HTR1F: variants seen among roughly 807,000 people sequenced by gnomAD.
The protein encoded by HTR1F is 5-hydroxytryptamine receptor 1F.
HTR1F carries 17 observed loss-of-function variants against 24.0 expected under a neutral mutation model. The ratio of observed to expected loss-of-function variants is 0.71; its 90% confidence interval spans 0.48 to 1.06. The LOEUF is 1.06. Ranked by LOEUF, HTR1F falls within the 50% of genes least tolerant of loss-of-function variation. The pLI, the probability that HTR1F is intolerant of heterozygous loss-of-function variation, is 0.00. For missense variants in HTR1F, 391 were observed against 427.8 expected (o/e 0.91, Z 0.76); for synonymous variants, 186 against 156.8 (o/e 1.19, Z -1.39).
chr3:87,940,738 AG>A (rs938236060), intron 2 of HTR1F, among the ~76,000 whole-genome samples: 1 of 152,236 alleles, frequency 6.6e-6, no homozygotes, highest in Non-Finnish European at 1.5e-5. Context: ...ACAAGGCTGC[AG>A]TAACCAAAAC....
chr3:87,893,438 T>C (rs1040573868), intron 2 of HTR1F, among the ~76,000 whole-genome samples: 1 of 152,196 alleles, frequency 6.6e-6, no homozygotes, highest in African/African-American at 2.4e-5. Context: ...AGAATCCTAA[T>C]ACATCCTTAG....
At chr3:87,962,340 C>A (rs183855876) in intron 2 of HTR1F, among the ~76,000 whole-genome samples, 1 of 152,096 alleles carries the variant, frequency 6.6e-6, no homozygotes, top group East Asian at 1.9e-4. Flanking sequence ...AAAATAGGTA[C>A]AAAAGCTATT....
chr3:87,974,568 A>T (rs78158322), intron 2 of HTR1F, among the ~76,000 whole-genome samples: 3 of 127,266 alleles, frequency 2.4e-5, no homozygotes, highest in Admixed American at 8.0e-5. Context: ...ATCTTTTTTT[A>T]AAAAATGACT....
At chr3:87,839,092 T>C (rs1704745583) in intron 2 of HTR1F, among the ~76,000 whole-genome samples, 2 of 151,854 alleles carry the variant, frequency 1.3e-5, no homozygotes, top group Non-Finnish European at 2.9e-5. Context: ...TTGCTTGTGC[T>C]TTGATTGCTT....
chr3:87,818,674 GTT>G (rs1704295442), intron 1 of HTR1F, among the ~76,000 whole-genome samples: 1 of 152,086 alleles, frequency 6.6e-6, no homozygotes, highest in African/African-American at 2.4e-5. Flanking sequence ...GCTTTCCCCT[GTT>G]TACCCATCCA....
At chr3:87,849,653 C>G (rs1185413176) in intron 2 of HTR1F, among the ~76,000 whole-genome samples, 1 of 151,772 alleles carries the variant, frequency 6.6e-6, no homozygotes, top group Non-Finnish European at 1.5e-5. Context: ...AAAGAAACCA[C>G]CATCAGAGTG....
At chr3:87,836,292 T>A (rs1312364551) in intron 2 of HTR1F, among the ~76,000 whole-genome samples, 1 of 152,196 alleles carries the variant, frequency 6.6e-6, no homozygotes, top group Non-Finnish European at 1.5e-5. Context: ...GAGAGAATAG[T>A]CTCATTCATT....
At position 87,881,186 on chromosome 3, in the gene HTR1F, C is replaced by T. The variant is rs925900162; in HGVS notation, c.-43+59062C>T. On this transcript the variant is annotated intron_variant, in intron 2 of 2. Transcript: ENST00000319595. ...TTTCCATTTCCTAGCTAAGGGAAGC[C>T]GTGACAGACTGTACCTGGAAAAAAC... Among the ~76,000 whole-genome samples, 32 of 152,176 alleles carry T rather than the reference C, an allele frequency of 2.1e-4. 1 individual carries two copies. The highest frequency in any genetic ancestry group is 4.6e-4 in the African/African-American group (19 of 41,440).
At chr3:87,923,233 A>G (rs1587728) in intron 2 of HTR1F, among the ~76,000 whole-genome samples, 1,813 of 151,904 alleles carry the variant, frequency 0.012, 28 homozygotes, top group African/African-American at 0.041. Flanking sequence ...TCAGGATCCC[A>G]TTAGCCATTT....
intron 2 of HTR1F, among the ~76,000 whole-genome samples, chr3:87,865,330 T>G (rs1705403783): frequency 6.6e-6 from 1 of 152,124 alleles, no homozygotes; most frequent in Non-Finnish European, 1.5e-5. Flanking sequence ...TTAAAATATA[T>G]TATTAAAAAT....
intron 2 of HTR1F, among the ~76,000 whole-genome samples, chr3:87,842,866 T>G (rs1204903001): frequency 2.0e-5 from 3 of 151,868 alleles, no homozygotes; most frequent in Non-Finnish European, 4.4e-5. Flanking sequence ...CAAGTAATTG[T>G]TAAAAGCTGT....
At chr3:87,853,672 T>C (rs944550442) in intron 2 of HTR1F, among the ~76,000 whole-genome samples, 1 of 152,098 alleles carries the variant, frequency 6.6e-6, no homozygotes, top group Non-Finnish European at 1.5e-5. Flanking sequence ...TAATTTACAC[T>C]CCCACCAACA....
intron 2 of HTR1F, among the ~76,000 whole-genome samples, chr3:87,891,302 A>T (rs1302801660): frequency 7.6e-6 from 1 of 130,768 alleles, no homozygotes. Context: ...TTGTTAAAAT[A>T]AAAAAAATGC....
intron 2 of HTR1F, among the ~76,000 whole-genome samples, chr3:87,829,622 G>T (rs955592983): frequency 5.9e-5 from 9 of 152,158 alleles, no homozygotes; most frequent in African/African-American, 2.2e-4. Context: ...ATCTATGTTT[G>T]CACACTTGTG....
chr3:87,900,063 G>A (rs1453153538), intron 2 of HTR1F, among the ~76,000 whole-genome samples: 2 of 151,300 alleles, frequency 1.3e-5, no homozygotes, highest in African/African-American at 4.9e-5. Flanking sequence ...AGGAAGTAAG[G>A]AGGCATGTGT....
chr3:87,815,751 T>C (rs1057001897), intron 1 of HTR1F, among the ~76,000 whole-genome samples: 1 of 152,128 alleles, frequency 6.6e-6, no homozygotes, highest in Admixed American at 6.5e-5. Flanking sequence ...TTAGAAGCTC[T>C]TGATTACTAT....
Position 87,871,503 on chromosome 3 carries a change from A to G in HTR1F, c.-43+49379A>G, listed in dbSNP as rs144308462. ...TACAAAGAGCTTATGTGAAGAAACAATATCTGACATCTTTCCAAATCTGAG... is the reference window on the plus strand; with the variant it reads ...TACAAAGAGCTTATGTGAAGAAACAGTATCTGACATCTTTCCAAATCTGAG... On this transcript the variant is annotated intron_variant, in intron 2 of 2. Coordinates refer to ENST00000319595, the MANE Select transcript of HTR1F (RefSeq NM_001322209.2). Among the ~76,000 whole-genome samples, 199 of 152,262 alleles carry G rather than the reference A, an allele frequency of 1.3e-3. 1 individual carries two copies. The highest frequency in any genetic ancestry group is 2.3e-3 in the South Asian group (11 of 4,826).
intron 2 of HTR1F, among the ~76,000 whole-genome samples, chr3:87,981,149 C>A (rs999645514): frequency 3.3e-5 from 5 of 152,224 alleles, no homozygotes; most frequent in African/African-American, 1.2e-4. Context: ...TGGGCCACCA[C>A]TACCATCACT....
chr3:87,839,711 C>A (rs1704759716), intron 2 of HTR1F, among the ~76,000 whole-genome samples: 1 of 152,004 alleles, frequency 6.6e-6, no homozygotes, highest in African/African-American at 2.4e-5. Flanking sequence ...ATAAATGAAT[C>A]TGTCACCCAG....
Sources: allele counts gnomAD v4.1 joint callset (sites outside exome capture counted in the v4.1 genomes callset), GRCh38; gene constraint gnomAD v4.1.1; transcripts MANE v1.5; gene names NCBI Gene and HGNC (gene_info 2026-07-23, HGNC 2026-07-21).